Variants in RNF185 observed in about 807,000 individuals in gnomAD.
The protein encoded by RNF185 is ring finger protein 185.
In RNF185, 13 loss-of-function variants were observed where a neutral mutation model predicts 24.9. That is an observed-to-expected ratio of 0.52 (90% CI 0.34 to 0.83). RNF185 has a LOEUF of 0.83. RNF185 is among the 40% of genes least tolerant of loss of function. RNF185 has a pLI of 0.01. For synonymous variants in RNF185, 79 were observed against 90.3 expected, an observed-to-expected ratio of 0.88 and a Z score of 0.71; for missense variants, 184 against 244.7, an observed-to-expected ratio of 0.75 and a Z score of 1.65.
chr22:31,176,166 G>A (rs1205134702), intron 1 of RNF185, among the ~76,000 whole-genome samples: 1 of 152,208 alleles, frequency 6.6e-6, no homozygotes, highest in South Asian at 2.1e-4. Flanking sequence ...TCCACTGTCC[G>A]GAGACTACTA....
chr22:31,185,575 T>C lies in RNF185; in HGVS notation c.-48-1472T>C, dbSNP rs76124123. On this transcript the variant is annotated intron_variant, in intron 1 of 6. Transcript: ENST00000326132. Reference sequence around the variant, plus strand: ...GTGCCTCATTTTACAGATGAGAAAATTATGATCAGTAGAGGGAAAGGGAGG... The same window carrying C: ...GTGCCTCATTTTACAGATGAGAAAACTATGATCAGTAGAGGGAAAGGGAGG... Among the ~76,000 whole-genome samples the C allele has an allele frequency of 0.036, 5,424 of 151,994 alleles. 482 individuals carry two copies. The East Asian group carries it at 0.37, about 10-fold the overall frequency.
In RNF185 at chr22:31,205,550, A is replaced by G. The variant is rs996261220; in HGVS notation, c.*964A>G. 6.6e-6 allele frequency: 1 copy of G among 151,042 alleles called. No homozygotes were observed. Among genetic ancestry groups the G allele is most frequent in the African/African-American group, 2.4e-5 (1 of 41,310 alleles). 9.4% of individuals were successfully genotyped at this position (151,042 alleles called of 1,614,324 possible). ...TGCATCCTCTCCCAGAACCTGCCAC[A>G]GGAAACTGGGGGCTTTGTCAGGTCA... is the stretch of plus-strand genomic sequence containing the variant. On this transcript the variant is annotated 3_prime_UTR_variant, in exon 7 of 7. Coordinates refer to ENST00000326132, the MANE Select transcript of RNF185 (RefSeq NM_152267.4).
chr22:31,181,045 C>T lies in RNF185; in HGVS notation c.-48-6002C>T, dbSNP rs2048031383. ...ACCCAAATAAGTTTATATACATACT[C>T]TTCTACAACTTAATCTTTTTAAAAA... On this transcript the variant is annotated intron_variant, in intron 1 of 6. Transcript: ENST00000326132. Among the ~76,000 whole-genome samples the T allele has an allele frequency of 3.3e-5, 5 of 151,832 alleles. 1 individual carries two copies. The South Asian group carries it at 1.0e-3, about 32-fold the overall frequency.
At chr22:31,172,181 C>T (rs1602794215) in intron 1 of RNF185, among the ~76,000 whole-genome samples, 1 of 152,096 alleles carries the variant, frequency 6.6e-6, no homozygotes, top group East Asian at 1.9e-4. Flanking sequence ...ATTTCACTGA[C>T]TGTGTGAAAA....
chr22:31,169,971 A>G (rs1441344488), intron 1 of RNF185, among the ~76,000 whole-genome samples: 1 of 152,224 alleles, frequency 6.6e-6, no homozygotes, highest in Non-Finnish European at 1.5e-5. Context: ...GCCTAAGGAC[A>G]TGCAAAGATT....
At chr22:31,161,545 T>C (rs1010383766) in intron 1 of RNF185, among the ~76,000 whole-genome samples, 1 of 152,244 alleles carries the variant, frequency 6.6e-6, no homozygotes, top group African/African-American at 2.4e-5. Flanking sequence ...GTTTATTGAA[T>C]GAATAAGTAA....
At chr22:31,195,005 T>A (rs2048191262) in intron 3 of RNF185, among the ~76,000 whole-genome samples, 1 of 152,096 alleles carries the variant, frequency 6.6e-6, no homozygotes, top group Admixed American at 6.6e-5. Context: ...CAGGCTGGAA[T>A]GCAGTGGTGC....
intron 5 of RNF185, among the ~76,000 whole-genome samples, chr22:31,198,808 T>G (rs1412270566): frequency 6.9e-6 from 1 of 144,386 alleles, no homozygotes; most frequent in African/African-American, 2.6e-5. Context: ...GAAATTAAGG[T>G]TCTCGGCTGG....
chr22:31,186,806 C>G (rs1047031341), intron 1 of RNF185, among the ~76,000 whole-genome samples: 8 of 152,158 alleles, frequency 5.3e-5, no homozygotes, highest in Non-Finnish European at 1.0e-4. Context: ...GGAGGCTGCT[C>G]TGTATTTGGT....
At chr22:31,177,810 T>G (rs1409206414) in intron 1 of RNF185, among the ~76,000 whole-genome samples, 1 of 152,244 alleles carries the variant, frequency 6.6e-6, no homozygotes, top group Non-Finnish European at 1.5e-5. Flanking sequence ...CTAGAAATTC[T>G]TGGAGTTAAA....
intron 1 of RNF185, among the ~76,000 whole-genome samples, chr22:31,174,402 C>CA (rs1356512321): frequency 1.3e-5 from 2 of 151,918 alleles, no homozygotes; most frequent in East Asian, 3.9e-4. Context: ...ATTTAAGAAA[C>CA]AGAGTCTCCT....
chr22:31,162,247 T>C (rs1212082436), intron 1 of RNF185, among the ~76,000 whole-genome samples: 1 of 152,200 alleles, frequency 6.6e-6, no homozygotes, highest in African/African-American at 2.4e-5. Context: ...TATCGACTTG[T>C]GTTTCCCAAG....
chr22:31,175,983 G>A (rs1417627279), intron 1 of RNF185, among the ~76,000 whole-genome samples: 3 of 151,898 alleles, frequency 2.0e-5, no homozygotes, highest in East Asian at 3.9e-4. Context: ...GGCTGGTCTC[G>A]AACTCCTGGC....
At chr22:31,203,749 T>C (rs1264246042) in intron 6 of RNF185, among the ~76,000 whole-genome samples, 1 of 152,080 alleles carries the variant, frequency 6.6e-6, no homozygotes, top group Non-Finnish European at 1.5e-5. Flanking sequence ...TTAGAAATTT[T>C]TTTTGGCTGG....
At chr22:31,161,003 G>A (rs1923540595) in intron 1 of RNF185, among the ~76,000 whole-genome samples, 1 of 152,210 alleles carries the variant, frequency 6.6e-6, no homozygotes, top group Non-Finnish European at 1.5e-5. Context: ...GCTGGTGCCA[G>A]TTCAGGAACT....
At chr22:31,172,697 C>G (rs896953782) in intron 1 of RNF185, among the ~76,000 whole-genome samples, 24 of 125,768 alleles carry the variant, frequency 1.9e-4, no homozygotes, top group African/African-American at 7.2e-4. Context: ...TGCAGTGAGC[C>G]AAGATCTTGC....
chr22:31,174,333 G>A (rs969696669), intron 1 of RNF185, among the ~76,000 whole-genome samples: 1 of 152,088 alleles, frequency 6.6e-6, no homozygotes, highest in Non-Finnish European at 1.5e-5. Context: ...ACACTTAAAA[G>A]TTTGTGCCAG....
chr22:31,192,605 T>C (rs961708931), intron 2 of RNF185, 79 bp from the exon 3 acceptor site: 5 of 1,255,814 alleles, frequency 4.0e-6, no homozygotes, highest in Non-Finnish European at 5.9e-6. Flanking sequence ...ATCAAGTGTT[T>C]CTGCTAATGA....
rs1263275503 is a variant in RNF185, at chr22:31,190,492, G to A, written c.177-2192G>A. 2.6e-5 allele frequency among the ~76,000 whole-genome samples: 4 copies of A among 152,088 alleles called. No homozygotes were observed. The East Asian group carries it at 7.7e-4, about 29-fold the overall frequency. On this transcript the variant is annotated intron_variant, in intron 2 of 6. Coordinates refer to ENST00000326132, the MANE Select transcript of RNF185 (RefSeq NM_152267.4). ...AGTAGAGACGGGGTTTTACCATGTT[G>A]GCCAGGCTGGTCTTGAACTCCTGAT...
Sources: gnomAD v4.1 joint callset for allele counts (sites outside exome capture counted in the v4.1 genomes callset) on GRCh38, gnomAD v4.1.1 for gene constraint, MANE v1.5 for transcripts, NCBI Gene and HGNC (gene_info 2026-07-23, HGNC 2026-07-21) for gene names.